KDR: variants seen among roughly 807,000 people sequenced by gnomAD.
KDR encodes vascular endothelial growth factor receptor 2.
KDR carries 43 observed loss-of-function variants against 160.9 expected under a neutral mutation model. The ratio of observed to expected loss-of-function variants is 0.27; its 90% CI spans 0.21 to 0.34. The LOEUF (loss-of-function observed/expected upper bound fraction) is 0.34. Ranked by LOEUF, KDR falls within the 10% of genes least tolerant of loss-of-function variation. KDR has a pLI of 1.00. For synonymous variants in KDR, 617 were observed against 600.1 expected (o/e 1.03, Z -0.41); for missense variants, 1,469 against 1,666.4 (o/e 0.88, Z 2.06).
chr4:55,107,892 G>A lies in KDR; in HGVS notation c.1257C>T (p.Val419=). The A allele has an allele frequency of 6.2e-7, 1 of 1,613,900 alleles. No individual in the cohort carries two copies. Among genetic ancestry groups the A allele is most frequent in the Non-Finnish European group, 8.5e-7 (1 of 1,179,840 alleles). The change falls in exon 10 of 30, where the codon GTC becomes GTT. Residue 419 remains valine, a splice_region_variant and synonymous_variant. Transcript: ENST00000263923. ...GAGATTTCTCACCAATCTGGGGTGG[G>A]ACTGAAGATGGGAAAAACAACTTTT... The part of the protein sequence containing the change: ...QSHVVSLVVY[V]PPQIGEKSLI...
intron 27 of KDR, 30 bp from the exon 28 acceptor site, chr4:55,082,665 T>C (rs372769194): frequency 3.2e-6 from 5 of 1,559,500 alleles, no homozygotes; most frequent in Non-Finnish European, 4.4e-6. Flanking sequence ...TATATTTTAG[T>C]GGTGGTATAT....
At position 55,105,708 on chromosome 4, in the gene KDR, A is replaced by G. The variant is rs1436746855; in HGVS notation, c.1645+124T>C. The G allele has an allele frequency of 6.5e-6, 5 of 773,970 alleles. No individual in the cohort carries two copies. In the East Asian group the frequency reaches 9.8e-5, roughly 15 times the overall value. The allele number at this position is 773,970 out of a possible 1,614,324, so 47.9% of individuals were successfully genotyped here. ...TTTATGAATGAAAGCATCAATGATCAATCCAAGTCCTCTTTCCTAAATGCC... is the reference window on the plus strand; with the variant it reads ...TTTATGAATGAAAGCATCAATGATCGATCCAAGTCCTCTTTCCTAAATGCC... On this transcript the variant is annotated intron_variant, in intron 12 of 29. Transcript: ENST00000263923.
chr4:55,121,960 G>T (rs547123060), intron 1 of KDR, among the ~76,000 whole-genome samples: 1 of 152,038 alleles, frequency 6.6e-6, no homozygotes, highest in African/African-American at 2.4e-5. Context: ...AATTTTCCCA[G>T]TTTCACACAT....
rs756152232 is a variant in KDR, at chr4:55,098,134, C to T, written c.2509+3G>A. 1 of 1,613,816 alleles carries T rather than the reference C, an allele frequency of 6.2e-7. No homozygotes were observed. Among genetic ancestry groups the T allele is most frequent in the Non-Finnish European group, 8.5e-7 (1 of 1,179,844 alleles). ...ATCAAATTAATAGCAATTGAAAATG[C>T]ACCTAGCTTCAGCCGGTCTCTGGGG... On this transcript the variant is annotated splice_donor_region_variant and intron_variant, in intron 17 of 29. Coordinates refer to ENST00000263923, the MANE Select transcript of KDR (RefSeq NM_002253.4).
chr4:55,095,067 C>T, intron 20 of KDR, 112 bp from the exon 21 acceptor site: 1 of 1,065,188 alleles, frequency 9.4e-7, no homozygotes, highest in Non-Finnish European at 1.4e-6. Flanking sequence ...TACTAAAAAG[C>T]AGACAAGGAG....
chr4:55,080,892 T>C (rs933858451), intron 29 of KDR, among the ~76,000 whole-genome samples: 3 of 152,208 alleles, frequency 2.0e-5, no homozygotes, highest in Non-Finnish European at 2.9e-5. Flanking sequence ...GTAATAGGTG[T>C]TTTCCCCAAC....
At chr4:55,080,802 A>G (rs769350490) in intron 29 of KDR, among the ~76,000 whole-genome samples, 2 of 152,238 alleles carry the variant, frequency 1.3e-5, no homozygotes, top group African/African-American at 2.4e-5. Flanking sequence ...AATCATGTCA[A>G]AGCCTAGAAA....
At chr4:55,115,742 A>G (rs1418941828) in intron 3 of KDR, among the ~76,000 whole-genome samples, 1 of 152,210 alleles carries the variant, frequency 6.6e-6, no homozygotes, top group Non-Finnish European at 1.5e-5. Context: ...ATTTTAAAAG[A>G]TTAATCATTA....
intron 18 of KDR, 190 bp from the exon 19 acceptor site, chr4:55,096,532 C>T: frequency 1.7e-6 from 1 of 586,528 alleles, no homozygotes; most frequent in African/African-American, 1.9e-5. Context: ...AAATAAAATT[C>T]ATATTTTAAG....
chr4:55,101,841 C>G (rs142874477), intron 15 of KDR, 56 bp downstream of exon 15: 4 of 1,441,368 alleles, frequency 2.8e-6, no homozygotes, highest in African/African-American at 2.8e-5. Context: ...TTCCTTTTTA[C>G]GGCTGCATAG....
rs1029548195 is a variant in KDR, at chr4:55,114,921, A to T, written c.611T>A (p.Ile204Asn). The change falls in exon 5 of 30, where the codon ATT (isoleucine) becomes AAT (asparagine). Residue 204 changes from isoleucine to asparagine, a missense_variant. By Grantham distance (149) the Ile-to-Asn change is moderately radical (BLOSUM62 -3). Around this residue, in one of 7 missense-constraint regions of KDR, gnomAD observed 792 missense variants for 840.9 expected, o/e 0.94. Transcript: ENST00000263923. ...AATAGACTGGTAACTTTCATCATTA[A>T]TTTTTGCTTCACAGAAGACCATGCC... ...YAGMVFCEAKINDESYQSIMY... is the reference protein window; with the variant it reads ...YAGMVFCEAKNNDESYQSIMY... 1 of 1,613,818 alleles carries T rather than the reference A, an allele frequency of 6.2e-7. No homozygotes were observed. The highest frequency in any genetic ancestry group is 1.3e-5 in the African/African-American group (1 of 74,910).
At chr4:55,101,109 T>C (rs1007061289) in intron 15 of KDR, among the ~76,000 whole-genome samples, 1 of 152,188 alleles carries the variant, frequency 6.6e-6, no homozygotes, top group Non-Finnish European at 1.5e-5. Context: ...AAACTCGGAA[T>C]CCTTGTGACT....
Position 55,094,959 on chromosome 4 carries a change from T to C in KDR, c.2818-4A>G, listed in dbSNP as rs1401898969. On this transcript the variant is annotated splice_region_variant and splice_polypyrimidine_tract_variant and intron_variant, in intron 20 of 29. Transcript: ENST00000263923. ...GACGGAATCGTGCCCCTTTGGTCTA[T>C]AAAAAAGCAAAGGAACAAACAAACT... The C allele has an allele frequency of 6.2e-7, 1 of 1,613,572 alleles. No individual in the cohort carries two copies. Among genetic ancestry groups the C allele is most frequent in the Middle Eastern group, 1.7e-4 (1 of 6,056 alleles).
intron 22 of KDR, chr4:55,092,379 A>G: frequency 1.9e-6 from 1 of 515,514 alleles, no homozygotes; most frequent in Middle Eastern, 5.4e-4. Context: ...CAGTGCTCAG[A>G]AGACTGCCTC....
intron 15 of KDR, among the ~76,000 whole-genome samples, chr4:55,100,137 A>C (rs1870379): frequency 0.21 from 32,071 of 152,172 alleles, 3,832 homozygotes; most frequent in East Asian, 0.47. Flanking sequence ...CCGGGCCACA[A>C]GCTGTGCGGA....
intron 3 of KDR, among the ~76,000 whole-genome samples, chr4:55,117,316 T>C (rs369714280): frequency 2.6e-5 from 4 of 152,198 alleles, no homozygotes; most frequent in Non-Finnish European, 5.9e-5. Context: ...ATGTTCATCT[T>C]GTAGTATTTC....
At chr4:55,101,639 A>G (rs1968770) in intron 15 of KDR, among the ~76,000 whole-genome samples, 46,211 of 151,922 alleles carry the variant, frequency 0.3, 7,795 homozygotes, top group Admixed American at 0.46. Context: ...ATTTTTCCTG[A>G]TGCTCTCCTT....
intron 17 of KDR, among the ~76,000 whole-genome samples, 172 bp downstream of exon 17, chr4:55,097,965 A>G (rs1176364220): frequency 1.3e-5 from 2 of 151,936 alleles, no homozygotes. Flanking sequence ...ATGATTACAT[A>G]GGGACCCTAC....
At chr4:55,111,854 G>C (rs1720592341) in intron 7 of KDR, among the ~76,000 whole-genome samples, 1 of 152,168 alleles carries the variant, frequency 6.6e-6, no homozygotes, top group African/African-American at 2.4e-5. Flanking sequence ...TCCAATCTCA[G>C]CTTCAAAGAT....
Sources: gnomAD v4.1 joint callset for allele counts (sites outside exome capture counted in the v4.1 genomes callset) on GRCh38, gnomAD v4.1.1 for gene constraint, gnomAD v4.1.1 regional missense constraint, MANE v1.5 for transcripts, NCBI Gene and HGNC (gene_info 2026-07-23, HGNC 2026-07-21) for gene names.